The following SLC9A2 variants were observed in gnomAD, a reference collection of about 807,000 sequenced individuals.
SLC9A2 encodes the protein sodium/hydrogen exchanger 2.
A neutral mutation model predicts 71.7 loss-of-function variants in SLC9A2; 42 were observed. The ratio of observed to expected loss-of-function variants is 0.59; its 90% CI spans 0.46 to 0.76. The LOEUF is 0.76. SLC9A2 is among the 30% of genes least tolerant of loss of function. SLC9A2 has a pLI of 0.00. For synonymous variants in SLC9A2, 396 were observed against 392.5 expected (o/e 1.01, Z -0.10); for missense variants, 829 against 1,017.4 (o/e 0.81, Z 2.52).
At chr2:102,675,180 TAGTAA>T (rs899419191) in intron 3 of SLC9A2, among the ~76,000 whole-genome samples, 25 of 152,316 alleles carry the variant, frequency 1.6e-4, no homozygotes, top group African/African-American at 6.0e-4. Flanking sequence ...CAATCCTTTA[TAGTAA>T]AGTAAACTGG....
At chr2:102,688,931 A>G (rs1347006638) in intron 5 of SLC9A2, among the ~76,000 whole-genome samples, 1 of 152,178 alleles carries the variant, frequency 6.6e-6, no homozygotes, top group Non-Finnish European at 1.5e-5. Flanking sequence ...TCAAGTGGGA[A>G]AGTTAACCAA....
rs777672924 is a variant in SLC9A2 at position 102,702,488 on chromosome 2, C to G, written c.1831C>G (p.Gln611Glu). The G allele has an allele frequency of 6.3e-7, 1 of 1,577,866 alleles. No individual in the cohort carries two copies. The highest frequency in any genetic ancestry group is 1.1e-5 in the South Asian group (1 of 87,580). Residue 611 changes from glutamine (Q) to glutamate (E), a missense_variant, in exon 9 of 12, where the codon CAA (glutamine) becomes GAA (glutamate). Transcript: ENST00000233969. ...IRELLSRNLY[Q>E]IRQRTLSYNR... The stretch of plus-strand genomic sequence containing the variant: ...AGAACTCTTATCAAGAAATCTCTAT[C>G]AAATCCGTCAGCGAGTAAGAATAAT...
intron 2 of SLC9A2, among the ~76,000 whole-genome samples, chr2:102,662,852 C>T (rs899250253): frequency 1.1e-4 from 17 of 151,856 alleles, no homozygotes; most frequent in African/African-American, 3.6e-4. Flanking sequence ...AAGTAGGTCT[C>T]GTAGTGGCTG....
chr2:102,627,443 T>C (rs1304174091), intron 1 of SLC9A2, among the ~76,000 whole-genome samples: 1 of 152,214 alleles, frequency 6.6e-6, no homozygotes, highest in East Asian at 1.9e-4. Context: ...TTAATGTTTA[T>C]AGTTTTATTT....
chr2:102,633,636 G>A (rs1270326171), intron 1 of SLC9A2, among the ~76,000 whole-genome samples: 2 of 152,106 alleles, frequency 1.3e-5, no homozygotes, highest in Non-Finnish European at 2.9e-5. Flanking sequence ...AGGACACAAA[G>A]AGCTAAGGAA....
At chr2:102,649,415 C>T (rs1270239330) in intron 1 of SLC9A2, among the ~76,000 whole-genome samples, 1 of 152,146 alleles carries the variant, frequency 6.6e-6, no homozygotes, top group Non-Finnish European at 1.5e-5. Context: ...TAGGCATGGG[C>T]AGAACCTTAA....
chr2:102,663,399 ATTGTAATAAGGTGCTAAT>A (rs1378540269), intron 2 of SLC9A2, among the ~76,000 whole-genome samples: 1 of 152,198 alleles, frequency 6.6e-6, no homozygotes, highest in Non-Finnish European at 1.5e-5. Context: ...GAAGATGTAA[ATTGTAATAAGGTGCTAAT>A]TGATCACAAG....
intron 1 of SLC9A2, among the ~76,000 whole-genome samples, chr2:102,633,733 A>C (rs944192711): frequency 6.6e-6 from 1 of 152,192 alleles, no homozygotes; most frequent in Admixed American, 6.6e-5. Context: ...TCCATCATCC[A>C]TGATGCACAG....
chr2:102,688,322 G>T lies in SLC9A2; in HGVS notation c.1425+3986G>T, dbSNP rs186116334. Among the ~76,000 whole-genome samples the T allele has an allele frequency of 7.0e-3, 1,060 of 152,274 alleles. 13 individuals are homozygous for T. Among genetic ancestry groups the T allele is most frequent in the African/African-American group, 0.025 (1,028 of 41,556 alleles). On this transcript the variant is annotated intron_variant, in intron 5 of 11. Transcript: ENST00000233969. ...TCTGTGGGCCTCAGTTTACTTAGCT[G>T]TAAAATCTAGACAATGCTCCAGGCA...
At chr2:102,671,795 T>C (rs1677256798) in intron 3 of SLC9A2, among the ~76,000 whole-genome samples, 1 of 152,106 alleles carries the variant, frequency 6.6e-6, no homozygotes, top group African/African-American at 2.4e-5. Context: ...AGAATTGAGT[T>C]GTATTGTAAG....
intron 1 of SLC9A2, among the ~76,000 whole-genome samples, chr2:102,629,567 G>A (rs1170114256): frequency 1.3e-5 from 2 of 152,006 alleles, no homozygotes; most frequent in African/African-American, 4.8e-5. Context: ...CACTTATTGT[G>A]TATAATGATA....
intron 1 of SLC9A2, among the ~76,000 whole-genome samples, chr2:102,645,990 A>G (rs969437493): frequency 1.3e-4 from 20 of 152,144 alleles, no homozygotes; most frequent in African/African-American, 4.6e-4. Context: ...CAACCACAAG[A>G]CACATAATCA....
intron 1 of SLC9A2, among the ~76,000 whole-genome samples, chr2:102,630,357 G>A (rs1275598399): frequency 6.6e-6 from 1 of 151,868 alleles, no homozygotes; most frequent in Non-Finnish European, 1.5e-5. Flanking sequence ...TGTAGGGTTT[G>A]GTGTTGTTCA....
chr2:102,670,445 A>C (rs191275473), intron 3 of SLC9A2, among the ~76,000 whole-genome samples: 119 of 152,210 alleles, frequency 7.8e-4, no homozygotes, highest in African/African-American at 2.6e-3. Flanking sequence ...AAGAAAGTAG[A>C]AAATGGTGAT....
chr2:102,647,241 C>T lies in SLC9A2; in HGVS notation c.290-10323C>T, dbSNP rs117286000. ...TGTAAAAAACTGAACAACTTGCTCC[C>T]GGATGACTACTGGGTAAATAAATTA... On this transcript the variant is annotated intron_variant, in intron 1 of 11. Transcript: ENST00000233969. 3.9e-4 allele frequency among the ~76,000 whole-genome samples: 60 copies of T among 151,974 alleles called. 2 individuals carry two copies. The East Asian group carries it at 7.2e-3, about 18-fold the overall frequency.
rs142108874 is a variant in SLC9A2, at chr2:102,649,675, G to A, written c.290-7889G>A. The stretch of plus-strand genomic sequence containing the variant: ...AAGTGGGCAAAGGATATCAACAGAT[G>A]CTTCTCAAAAGAAGACATTTATGTG... On this transcript the variant is annotated intron_variant, in intron 1 of 11. Transcript: ENST00000233969. Among the ~76,000 whole-genome samples, 737 of 152,166 alleles carry A rather than the reference G, an allele frequency of 4.8e-3. 10 individuals are homozygous for A. Among genetic ancestry groups the A allele is most frequent in the African/African-American group, 0.017 (706 of 41,536 alleles).
chr2:102,684,409 C>T (rs2104540606), intron 5 of SLC9A2, 73 bp downstream of exon 5: 1 of 1,325,656 alleles, frequency 7.5e-7, no homozygotes, highest in Non-Finnish European at 1.1e-6. Context: ...TTACAGGATG[C>T]AAAGTAGCAA....
At chr2:102,626,903 A>T (rs1332601863) in intron 1 of SLC9A2, among the ~76,000 whole-genome samples, 2 of 152,278 alleles carry the variant, frequency 1.3e-5, no homozygotes, top group Admixed American at 6.5e-5. Flanking sequence ...CCACTTTAAC[A>T]ATGATAACAA....
chr2:102,693,405 T>A (rs892724476), intron 5 of SLC9A2, among the ~76,000 whole-genome samples: 7 of 152,222 alleles, frequency 4.6e-5, no homozygotes, highest in African/African-American at 7.2e-5. Flanking sequence ...AGCATCCTTG[T>A]GTTATTTCTG....
Sources: gnomAD v4.1 joint callset for allele counts (sites outside exome capture counted in the v4.1 genomes callset) on GRCh38, gnomAD v4.1.1 for gene constraint, MANE v1.5 for transcripts, NCBI Gene and HGNC (gene_info 2026-07-23, HGNC 2026-07-21) for gene names.